BCAN: variants seen among roughly 807,000 people sequenced by gnomAD.
BCAN encodes brevican, also known as brevican core protein.
In BCAN, 51 loss-of-function variants were observed where a neutral mutation model predicts 92.4. The observed-to-expected ratio is 0.55, with a 90% confidence interval of 0.44 to 0.70. The LOEUF (loss-of-function observed/expected upper bound fraction) is 0.70, where lower values mean the gene tolerates loss of function less well. BCAN is among the 30% of genes least tolerant of loss of function. The pLI, the probability that BCAN is intolerant of heterozygous loss-of-function variation, is 0.00. For synonymous variants in BCAN, 501 were observed against 505.2 expected (o/e 0.99, Z 0.11); for missense variants, 1,140 against 1,212.1 (o/e 0.94, Z 0.88).
chr1:156,653,149 G>A lies in BCAN; in HGVS notation c.1942+257G>A. ...CCATCTGTGACCCTTCCCTGCCATT[G>A]GGCCCTCCACCTGTGGCTCACATCT... On this transcript the variant is annotated intron_variant, in intron 8 of 13. Coordinates refer to ENST00000329117, the MANE Select transcript of BCAN (RefSeq NM_021948.5). 2.1e-6 allele frequency: 3 copies of A among 1,400,294 alleles called. No homozygotes were observed. The South Asian group carries it at 5.0e-5, about 24-fold the overall frequency. The allele number at this position is 1,400,294 out of a possible 1,614,324, so 86.7% of individuals were successfully genotyped here. A position where few individuals can be genotyped will look rare whatever the true frequency, so the allele number is the denominator to read the frequency against.
intron 2 of BCAN, 96 bp from the exon 3 acceptor site, chr1:156,646,705 C>A: frequency 6.7e-7 from 1 of 1,482,922 alleles, no homozygotes; most frequent in East Asian, 2.4e-5. Context: ...AATCCTGGGG[C>A]CGGAAGGAGG....
At chr1:156,653,042 T>A (rs891868676) in intron 8 of BCAN, 150 bp downstream of exon 8, 23 of 1,500,014 alleles carry the variant, frequency 1.5e-5, no homozygotes, top group Non-Finnish European at 2.0e-5. Context: ...CCTCTACCTA[T>A]GGGTCTCCAA....
In BCAN at chr1:156,659,341, A is replaced by G; in HGVS notation, c.*207A>G. On this transcript the variant is annotated 3_prime_UTR_variant, in exon 14 of 14. Transcript: ENST00000329117. ...CCTCTCCCCCTACCCTGGGCACCAG[A>G]TCTTCCATCAGGGCCGGAGTAAATC... 1.8e-6 allele frequency: 1 copy of G among 547,512 alleles called. No individual in the cohort carries two copies. Among genetic ancestry groups the G allele is most frequent in the South Asian group, 2.6e-5 (1 of 38,684 alleles). The allele number at this position is 547,512 out of a possible 1,614,324, so 33.9% of individuals were successfully genotyped here.
In BCAN at chr1:156,647,566, C is replaced by T. The variant is rs2102557980; in HGVS notation, c.525C>T (p.Ala175=). 6.2e-7 allele frequency: 1 copy of T among 1,611,258 alleles called. No homozygotes were observed. The highest frequency in any genetic ancestry group is 2.2e-5 in the East Asian group (1 of 44,862). Residue 175 remains alanine (A), a synonymous_variant, in exon 4 of 14, where the codon GCC becomes GCT. Coordinates refer to ENST00000329117, the MANE Select transcript of BCAN (RefSeq NM_021948.5). This position sits in a 1 kb window ranked among gnomAD's most constrained non-coding sequence, Gnocchi z 4.8. Reference sequence around the variant, plus strand: ...GCTATGCTTTCTCCTTTTCTGGGGCCCAGGAGGCCTGTGCCCGCATTGGAG... The same window carrying T: ...GCTATGCTTTCTCCTTTTCTGGGGCTCAGGAGGCCTGTGCCCGCATTGGAG... ...SARYAFSFSG[A]QEACARIGAH...
intron 1 of BCAN, among the ~76,000 whole-genome samples, chr1:156,645,082 G>T (rs1264925762): frequency 2.6e-5 from 4 of 152,178 alleles, no homozygotes; most frequent in Non-Finnish European, 5.9e-5. Context: ...TTATGAGAGT[G>T]TAAGTGCTTC....
chr1:156,647,211 AGGG>A lies in BCAN; in HGVS notation c.466+37_466+39del. On this transcript the variant is annotated intron_variant, in intron 3 of 13. Coordinates refer to ENST00000329117, the MANE Select transcript of BCAN (RefSeq NM_021948.5). The surrounding 1 kb of genome is among the most constrained non-coding windows in gnomAD (Gnocchi z 4.8). ...AGGGAGGTTCCAGAGGGAGGGAGGG[AGGG>A]AGGGAAGGGAGGACTCTTGCCTTCG... The A allele has an allele frequency of 4.9e-5, 10 of 204,706 alleles. No homozygotes were observed. Among genetic ancestry groups the A allele is most frequent in the Middle Eastern group, 4.9e-4 (1 of 2,040 alleles). 12.7% of individuals were successfully genotyped at this position (204,706 alleles called of 1,614,324 possible).
intron 5 of BCAN, 57 bp from the exon 6 acceptor site, chr1:156,648,511 C>T: frequency 2.6e-6 from 4 of 1,514,284 alleles, no homozygotes; most frequent in Non-Finnish European, 3.6e-6. Context: ...CCATGGGAGA[C>T]CAGAGTGGAA....
rs1188682599 is a variant in BCAN at position 156,659,356 on chromosome 1, C to T, written c.*222C>T. ...TGGGCACCAGATCTTCCATCAGGGC[C>T]GGAGTAAATCCCTAAGTGCCTCAAC... On this transcript the variant is annotated 3_prime_UTR_variant, in exon 14 of 14. Coordinates refer to ENST00000329117, the MANE Select transcript of BCAN (RefSeq NM_021948.5). 7 of 535,748 alleles carry T rather than the reference C, an allele frequency of 1.3e-5. No individual in the cohort carries two copies. Among genetic ancestry groups the T allele is most frequent in the African/African-American group, 5.9e-5 (3 of 51,216 alleles). The allele number at this position is 535,748 out of a possible 1,614,324, so 33.2% of individuals were successfully genotyped here.
chr1:156,647,623 C>A lies in BCAN; in HGVS notation c.582C>A (p.Ala194=). Residue 194 remains alanine, a synonymous_variant, in exon 4 of 14, where the codon GCC becomes GCA. Transcript: ENST00000329117. This position sits in a 1 kb window ranked among gnomAD's most constrained non-coding sequence, Gnocchi z 4.8. ...AHIATPEQLY[A]AYLGGYEQCD... ...TCGCCACCCCGGAGCAGCTCTATGC[C>A]GCCTACCTTGGGGGCTATGAGCAAT... is the stretch of plus-strand genomic sequence containing the variant. 1 of 1,612,626 alleles carries A rather than the reference C, an allele frequency of 6.2e-7. No individual in the cohort carries two copies.
chr1:156,648,221 A>G, intron 5 of BCAN, 111 bp downstream of exon 5: 1 of 1,399,796 alleles, frequency 7.1e-7, no homozygotes, highest in South Asian at 1.3e-5. Flanking sequence ...TTAAGGGGGC[A>G]AGCAGGAGTA....
chr1:156,647,713 T>C lies in BCAN; in HGVS notation c.641+31T>C, dbSNP rs150307997. 6.4e-7 allele frequency: 1 copy of C among 1,563,436 alleles called. No homozygotes were observed. Among genetic ancestry groups the C allele is most frequent in the East Asian group, 2.3e-5 (1 of 44,266 alleles). On this transcript the variant is annotated intron_variant, in intron 4 of 13. Transcript: ENST00000329117. The surrounding 1 kb of genome is among the most constrained non-coding windows in gnomAD (Gnocchi z 4.8). ...CAGGGGCTGTGGATTGGGGCTTCTATTGGCCCCTGAGGTGGCCATGGCCCC... is the reference window on the plus strand; with the variant it reads ...CAGGGGCTGTGGATTGGGGCTTCTACTGGCCCCTGAGGTGGCCATGGCCCC...
rs1215028964 is a variant in BCAN, at chr1:156,647,252, T to C, written c.466+77T>C. ...ACTCTTGCCTTCGGGGATCCCACAG[T>C]GTGAGAGGGAAGCAAAGGTAGCTGG... is the stretch of plus-strand genomic sequence containing the variant. On this transcript the variant is annotated intron_variant, in intron 3 of 13. Coordinates refer to ENST00000329117, the MANE Select transcript of BCAN (RefSeq NM_021948.5). The surrounding 1 kb of genome is among the most constrained non-coding windows in gnomAD (Gnocchi z 4.8). 1 of 1,442,006 alleles carries C rather than the reference T, an allele frequency of 6.9e-7. No homozygotes were observed. The highest frequency in any genetic ancestry group is 9.2e-7 in the Non-Finnish European group (1 of 1,088,456). The allele number at this position is 1,442,006 out of a possible 1,614,324, so 89.3% of individuals were successfully genotyped here. A position where few individuals can be genotyped will look rare whatever the true frequency, so the allele number is the denominator to read the frequency against.
In BCAN at chr1:156,647,970, C is replaced by A; in HGVS notation, c.642-13C>A. ...AAGCATCTGTACTAAGTGATTCTGT[C>A]CTTCCTCCCTAGGTATCCCATCCAG... is the stretch of plus-strand genomic sequence containing the variant. On this transcript the variant is annotated splice_polypyrimidine_tract_variant and intron_variant, in intron 4 of 13. Transcript: ENST00000329117. The surrounding 1 kb of genome is among the most constrained non-coding windows in gnomAD (Gnocchi z 4.8). 1 of 1,612,084 alleles carries A rather than the reference C, an allele frequency of 6.2e-7. No individual in the cohort carries two copies. The highest frequency in any genetic ancestry group is 2.2e-5 in the East Asian group (1 of 44,802).
intron 9 of BCAN, 62 bp downstream of exon 9, chr1:156,656,451 T>C: frequency 8.4e-7 from 1 of 1,186,804 alleles, no homozygotes; most frequent in Non-Finnish European, 1.1e-6. Context: ...GTGCTACTTC[T>C]GGAGGGGGGA....
chr1:156,648,089 T>A lies in BCAN; in HGVS notation c.748T>A (p.Cys250Ser). ...VDPDDLYDVYCYAEDLNGELF... is the reference protein window; with the variant it reads ...VDPDDLYDVYSYAEDLNGELF... ...CCCGGATGACCTCTATGATGTGTAC[T>A]GTTATGCTGAAGACCTAAATGGTGA... The change falls in exon 5 of 14, where the codon TGT becomes AGT. Residue 250 changes from cysteine to serine, a missense_variant. Transcript: ENST00000329117. The A allele has an allele frequency of 6.2e-7, 1 of 1,613,654 alleles. No individual in the cohort carries two copies. Among genetic ancestry groups the A allele is most frequent in the Non-Finnish European group, 8.5e-7 (1 of 1,179,634 alleles).
chr1:156,647,541 G>T lies in BCAN; in HGVS notation c.500G>T (p.Arg167Leu). The change falls in exon 4 of 14, where the codon CGC becomes CTC. Residue 167 changes from arginine (R) to leucine (L), a missense_variant. By Grantham distance (102) the Arg-to-Leu change is moderately radical. This residue lies in a region of BCAN where 286 missense variants were observed against 284.1 expected (regional missense o/e 1.01). Transcript: ENST00000329117. This position sits in a 1 kb window ranked among gnomAD's most constrained non-coding sequence, Gnocchi z 4.8. The part of the protein sequence containing the change: ...VVFLYREGSA[R>L]YAFSFSGAQE... ...TTTCTCTACCGAGAGGGCTCTGCCC[G>T]CTATGCTTTCTCCTTTTCTGGGGCC... 1.9e-6 allele frequency: 3 copies of T among 1,600,144 alleles called. No homozygotes were observed. Among genetic ancestry groups the T allele is most frequent in the East Asian group, 2.2e-5 (1 of 44,800 alleles).
chr1:156,653,634 T>C (rs1375558393), intron 8 of BCAN, among the ~76,000 whole-genome samples: 1 of 152,128 alleles, frequency 6.6e-6, no homozygotes, highest in African/African-American at 2.4e-5. Flanking sequence ...CTTCTCCCCT[T>C]GTCTGTCCTG....
At chr1:156,649,068 A>C (rs1679078561) in intron 6 of BCAN, among the ~76,000 whole-genome samples, 1 of 152,126 alleles carries the variant, frequency 6.6e-6, no homozygotes, top group African/African-American at 2.4e-5. Flanking sequence ...CCCAAGGAGT[A>C]GTCACCTTTT....
chr1:156,644,881 A>G (rs1678910279), intron 1 of BCAN: 2 of 152,234 alleles, frequency 1.3e-5, no homozygotes. Context: ...TCATTGGCCT[A>G]TTCCATGGCA....
Sources: allele counts gnomAD v4.1 joint callset (sites outside exome capture counted in the v4.1 genomes callset), GRCh38; gene constraint gnomAD v4.1.1; regional missense constraint gnomAD v4.1.1; non-coding constraint Gnocchi (gnomAD v3.1); transcripts MANE v1.5; gene names NCBI Gene and HGNC (gene_info 2026-07-23, HGNC 2026-07-21).